The following TTC1 variants were observed in gnomAD, a reference collection of about 807,000 sequenced individuals.
The protein encoded by TTC1 is tetratricopeptide repeat domain 1.
Under a neutral mutation model 37.6 loss-of-function variants are expected in TTC1, and 31 were observed. That is an observed-to-expected ratio of 0.82 (90% confidence interval 0.62 to 1.11). The LOEUF (loss-of-function observed/expected upper bound fraction) is 1.11. TTC1 is among the 50% of genes most tolerant of loss of function. The pLI, the probability that TTC1 is intolerant of heterozygous loss-of-function variation, is 0.00. For synonymous variants in TTC1, 127 were observed against 122.4 expected (o/e 1.04, Z -0.25); for missense variants, 351 against 339.0 (o/e 1.04, Z -0.28).
chr5:160,019,709 C>G (rs555431077), intron 2 of TTC1, among the ~76,000 whole-genome samples: 2 of 151,554 alleles, frequency 1.3e-5, no homozygotes, highest in East Asian at 3.9e-4. Context: ...CTCTGCCTCC[C>G]GAGTAGCTGG....
chr5:160,050,223 G>A (rs1425290686), intron 6 of TTC1, among the ~76,000 whole-genome samples: 1 of 151,836 alleles, frequency 6.6e-6, no homozygotes, highest in African/African-American at 2.4e-5. Context: ...CGAGGAGGGC[G>A]GATCACCTGA....
chr5:160,029,359 C>T (rs766244868), intron 2 of TTC1, among the ~76,000 whole-genome samples: 1 of 151,426 alleles, frequency 6.6e-6, no homozygotes, highest in Non-Finnish European at 1.5e-5. Context: ...ATCCAGGACT[C>T]GGCTGAATGG....
intron 5 of TTC1, among the ~76,000 whole-genome samples, chr5:160,045,163 C>T (rs78057661): frequency 0.035 from 5,394 of 152,096 alleles, 139 homozygotes; most frequent in East Asian, 0.12. Flanking sequence ...GAAAAAATGC[C>T]TTGTAAGCGT....
chr5:160,036,712 C>G lies in TTC1; in HGVS notation c.413C>G (p.Ser138Cys). The change falls in exon 4 of 8, where the codon TCT becomes TGT. Residue 138 changes from serine to cysteine, a missense_variant. Ser to Cys is a moderately radical substitution (Grantham distance 112). Transcript: ENST00000231238. Reference sequence around the variant, plus strand: ...TCAGATTATATAGAAGCTGAAAGTTCTTATAGTCGAGCCCTCGAAATGTGC... The same window carrying G: ...TCAGATTATATAGAAGCTGAAAGTTGTTATAGTCGAGCCCTCGAAATGTGC... ...KKGDYIEAES[S>C]YSRALEMCPS... 1 of 1,613,568 alleles carries G rather than the reference C, an allele frequency of 6.2e-7. No homozygotes were observed.
chr5:160,036,526 AAAG>A, intron 3 of TTC1, 162 bp from the exon 4 acceptor site: 1 of 565,222 alleles, frequency 1.8e-6, no homozygotes, highest in Non-Finnish European at 3.2e-6. Flanking sequence ...AGAGAGAAGA[AAAG>A]AAGAAATGAT....
At chr5:160,029,382 C>G (rs1487415809) in intron 2 of TTC1, among the ~76,000 whole-genome samples, 1 of 150,956 alleles carries the variant, frequency 6.6e-6, no homozygotes, top group Non-Finnish European at 1.5e-5. Context: ...TGGCTCATAC[C>G]TGTAATCTCA....
At chr5:160,044,064 C>T (rs1757155452) in intron 5 of TTC1, among the ~76,000 whole-genome samples, 1 of 152,200 alleles carries the variant, frequency 6.6e-6, no homozygotes, top group South Asian at 2.1e-4. Flanking sequence ...TACATAATCA[C>T]TTTTTCTTGC....
chr5:160,051,118 CT>C lies in TTC1; in HGVS notation c.691-7del. On this transcript the variant is annotated splice_polypyrimidine_tract_variant and intron_variant, in intron 6 of 7. Transcript: ENST00000231238. The stretch of plus-strand genomic sequence containing the variant: ...TTTTTTACCAACCCTTGTTTCTCCT[CT>C]TTTCCTCAGAGATTACCTAAGCAAA... The C allele has an allele frequency of 6.5e-7, 1 of 1,539,730 alleles. No homozygotes were observed. The highest frequency in any genetic ancestry group is 1.4e-5 in the African/African-American group (1 of 70,390).
chr5:160,045,364 A>T lies in TTC1; in HGVS notation c.541+2195A>T, dbSNP rs531021587. The stretch of plus-strand genomic sequence containing the variant: ...AATATTTATGTGGTTAGACATGGTC[A>T]TTATGGATACATGCATTGTATTCAT... On this transcript the variant is annotated intron_variant, in intron 5 of 7. Coordinates refer to ENST00000231238, the MANE Select transcript of TTC1 (RefSeq NM_003314.3). 5.3e-5 allele frequency among the ~76,000 whole-genome samples: 8 copies of T among 152,022 alleles called. No homozygotes were observed. In the East Asian group the frequency reaches 1.4e-3, roughly 26 times the overall value.
intron 3 of TTC1, among the ~76,000 whole-genome samples, chr5:160,035,700 T>A (rs1756988235): frequency 6.6e-6 from 1 of 152,234 alleles, no homozygotes. Context: ...TTTCTTTGGA[T>A]GCCTTAAGTA....
chr5:160,051,375 G>C (rs1276178629), intron 7 of TTC1, among the ~76,000 whole-genome samples, 192 bp downstream of exon 7: 2 of 152,104 alleles, frequency 1.3e-5, no homozygotes, highest in African/African-American at 2.4e-5. Context: ...TTGGAAACCA[G>C]ATTTCCTTTT....
chr5:160,049,205 T>C (rs1757337106), intron 5 of TTC1, among the ~76,000 whole-genome samples: 1 of 152,214 alleles, frequency 6.6e-6, no homozygotes, highest in African/African-American at 2.4e-5. Context: ...TGAACTTAAA[T>C]TTTAGTGTCC....
At chr5:160,011,244 T>C (rs982481352) in intron 2 of TTC1, among the ~76,000 whole-genome samples, 2 of 152,240 alleles carry the variant, frequency 1.3e-5, no homozygotes, top group African/African-American at 4.8e-5. Context: ...CATTTATGTT[T>C]ATGAACATTT....
In TTC1 at chr5:160,065,138, G is replaced by A; in HGVS notation, c.*73G>A. On this transcript the variant is annotated 3_prime_UTR_variant, in exon 8 of 8. Coordinates refer to ENST00000231238, the MANE Select transcript of TTC1 (RefSeq NM_003314.3). ...TGCTGTTAGCTAGGGGAAAGGCCCT[G>A]CCAATGTTTAACTTTTAAAAGCATC... The A allele has an allele frequency of 1.3e-6, 2 of 1,565,546 alleles. No individual in the cohort carries two copies. Among genetic ancestry groups the A allele is most frequent in the Non-Finnish European group, 1.7e-6 (2 of 1,160,724 alleles).
intron 2 of TTC1, among the ~76,000 whole-genome samples, chr5:160,023,147 T>G (rs1002260097): frequency 1.3e-5 from 2 of 151,596 alleles, no homozygotes; most frequent in Non-Finnish European, 2.9e-5. Context: ...TCCCAGCTAC[T>G]CAGGAGGCTG....
intron 2 of TTC1, among the ~76,000 whole-genome samples, chr5:160,023,466 T>G (rs368165041): frequency 2.6e-5 from 4 of 152,080 alleles, no homozygotes; most frequent in South Asian, 2.1e-4. Flanking sequence ...TAATTTTTTT[T>G]ATTTTTAGGA....
chr5:160,023,860 C>A (rs1756757203), intron 2 of TTC1: 1 of 1,611,730 alleles, frequency 6.2e-7, no homozygotes, highest in Non-Finnish European at 8.5e-7. Flanking sequence ...AATTCTTTTT[C>A]TTCTCCTCCT....
At chr5:160,063,955 A>G (rs748169992) in intron 7 of TTC1, among the ~76,000 whole-genome samples, 2 of 147,046 alleles carry the variant, frequency 1.4e-5, no homozygotes, top group Non-Finnish European at 3.0e-5. Context: ...ACCGCTGGCT[A>G]TAGACCATGA....
chr5:160,064,259 A>C (rs1412399308), intron 7 of TTC1, among the ~76,000 whole-genome samples: 1 of 152,124 alleles, frequency 6.6e-6, no homozygotes. Flanking sequence ...GTGAGCCACC[A>C]CGCCCATCCT....
Sources: allele counts gnomAD v4.1 joint callset (sites outside exome capture counted in the v4.1 genomes callset), GRCh38; gene constraint gnomAD v4.1.1; transcripts MANE v1.5; gene names NCBI Gene and HGNC (gene_info 2026-07-23, HGNC 2026-07-21).